CDKN2B-AS1: variants seen among roughly 807,000 people sequenced by gnomAD.
CDKN2B-AS1 encodes the protein CDKN2B antisense RNA 1 (non-protein coding).
At chr9:22,049,598 A>G (rs1238879117) in intron 3 of CDKN2B-AS1, among the ~76,000 whole-genome samples, 13 of 152,152 alleles carry the variant, frequency 8.5e-5, no homozygotes, top group Non-Finnish European at 1.5e-5. Context: ...TTAACAGCAA[A>G]AGGAAATGCT....
chr9:22,045,597 A>G (rs926939396), intron 1 of CDKN2B-AS1, among the ~76,000 whole-genome samples: 9 of 152,070 alleles, frequency 5.9e-5, no homozygotes, highest in Non-Finnish European at 1.5e-5. Context: ...CTGGGGGAAC[A>G]GTAGTTGTAC....
intron 4 of CDKN2B-AS1, among the ~76,000 whole-genome samples, chr9:22,091,933 C>T: frequency 6.6e-6 from 1 of 152,156 alleles, no homozygotes; most frequent in Non-Finnish European, 1.5e-5. Context: ...AGGTTTTGCC[C>T]ATTCAGTATG....
intron 4 of CDKN2B-AS1, among the ~76,000 whole-genome samples, chr9:22,076,657 C>T (rs1040424661): frequency 6.6e-6 from 1 of 152,072 alleles, no homozygotes; most frequent in African/African-American, 2.4e-5. Context: ...ACTCATTTAG[C>T]AAAAATCCTG....
intron 4 of CDKN2B-AS1, among the ~76,000 whole-genome samples, chr9:22,123,746 A>T (rs890800617): frequency 6.6e-5 from 10 of 152,206 alleles, no homozygotes; most frequent in African/African-American, 2.2e-4. Flanking sequence ...GATTAGATTT[A>T]TCTGTGTTGT....
intron 1 of CDKN2B-AS1, among the ~76,000 whole-genome samples, chr9:22,002,719 T>C (rs140063965): frequency 1.3e-5 from 2 of 151,124 alleles, no homozygotes; most frequent in African/African-American, 4.8e-5. Context: ...CCAGAGGCGT[T>C]TGGGGTTTTA....
At chr9:22,081,916 T>C (rs1484197760) in intron 4 of CDKN2B-AS1, among the ~76,000 whole-genome samples, 1 of 152,230 alleles carries the variant, frequency 6.6e-6, no homozygotes, top group Non-Finnish European at 1.5e-5. Context: ...GAGTTTTTTT[T>C]ACTCTGTCTC....
chr9:22,111,912 A>G (rs1193490418), intron 4 of CDKN2B-AS1, among the ~76,000 whole-genome samples: 1 of 152,208 alleles, frequency 6.6e-6, no homozygotes, highest in Non-Finnish European at 1.5e-5. Flanking sequence ...CCCAGTAACT[A>G]TGGCAGTTAG....
At chr9:22,120,186 C>T (rs150216686) in intron 4 of CDKN2B-AS1, 1 of 152,282 alleles carries the variant, frequency 6.6e-6, no homozygotes, top group East Asian at 1.9e-4. Flanking sequence ...CTTTCCTTGT[C>T]TCGTTCTTCC....
chr9:22,114,186 C>A (rs888780851), intron 4 of CDKN2B-AS1, among the ~76,000 whole-genome samples: 1 of 152,230 alleles, frequency 6.6e-6, no homozygotes, highest in African/African-American at 2.4e-5. Flanking sequence ...ACAGCCACTT[C>A]TGTCATGACC....
At chr9:22,096,214 G>A (rs887196896) in intron 4 of CDKN2B-AS1, among the ~76,000 whole-genome samples, 1 of 152,208 alleles carries the variant, frequency 6.6e-6, no homozygotes, top group African/African-American at 2.4e-5. Flanking sequence ...AGATGGAACT[G>A]GAGAGTGAGG....
At chr9:22,003,749 T>C (rs1821034897) in intron 1 of CDKN2B-AS1, 1 of 232,096 alleles carries the variant, frequency 4.3e-6, no homozygotes, top group Admixed American at 5.6e-5. Context: ...TATAGGTGTG[T>C]TGGGGGGGGT....
chr9:22,120,062 G>A (rs766913436), intron 4 of CDKN2B-AS1: 1 of 152,206 alleles, frequency 6.6e-6, no homozygotes, highest in East Asian at 1.9e-4. Flanking sequence ...TGAAATATGG[G>A]AAATAAACCT....
At chr9:22,120,923 G>C (rs1346358084) in intron 4 of CDKN2B-AS1, 1 of 152,022 alleles carries the variant, frequency 6.6e-6, no homozygotes, top group Non-Finnish European at 1.5e-5. Context: ...AACCTTATAA[G>C]GTGGTTGCTA....
intron 1 of CDKN2B-AS1, chr9:22,009,229 C>G (rs998559654): frequency 5.2e-6 from 3 of 578,164 alleles, no homozygotes; most frequent in East Asian, 3.0e-5. Flanking sequence ...CGGACGCAGC[C>G]GAGCTCAAAG....
chr9:22,091,307 C>A (rs1249237416), intron 4 of CDKN2B-AS1, among the ~76,000 whole-genome samples: 2 of 152,118 alleles, frequency 1.3e-5, no homozygotes, highest in Non-Finnish European at 2.9e-5. Flanking sequence ...CTTGGCAATG[C>A]AGGCTCTTTT....
intron 1 of CDKN2B-AS1, among the ~76,000 whole-genome samples, chr9:22,027,250 A>G (rs1267105268): frequency 4.0e-5 from 6 of 151,756 alleles, no homozygotes; most frequent in Non-Finnish European, 7.4e-5. Flanking sequence ...ATCATTATGA[A>G]TTTTTTTACA....
chr9:22,055,676 G>A (rs1248328419), intron 3 of CDKN2B-AS1, among the ~76,000 whole-genome samples: 1 of 152,094 alleles, frequency 6.6e-6, no homozygotes, highest in Non-Finnish European at 1.5e-5. Flanking sequence ...TAATTCTTGG[G>A]CTTGGGTGCA....
intron 4 of CDKN2B-AS1, among the ~76,000 whole-genome samples, chr9:22,075,967 T>G (rs768805362): frequency 6.6e-6 from 1 of 152,188 alleles, no homozygotes; most frequent in Non-Finnish European, 1.5e-5. Flanking sequence ...TCTTGCTCTT[T>G]TTGGAAGAGT....
intron 3 of CDKN2B-AS1, among the ~76,000 whole-genome samples, chr9:22,052,543 T>C (rs1396217807): frequency 6.6e-6 from 1 of 152,176 alleles, no homozygotes; most frequent in Non-Finnish European, 1.5e-5. Flanking sequence ...TTAAGGCAAG[T>C]TGAAGACCCA....
Sources: gnomAD v4.1 joint callset for allele counts (sites outside exome capture counted in the v4.1 genomes callset) on GRCh38, gnomAD v4.1.1 for gene constraint, MANE v1.5 for transcripts, NCBI Gene and HGNC (gene_info 2026-07-23, HGNC 2026-07-21) for gene names.